Variants in IL20RB observed in about 807,000 individuals in gnomAD.
The protein encoded by IL20RB is interleukin-20 receptor subunit beta.
Under a neutral mutation model 33.3 loss-of-function variants are expected in IL20RB, and 21 were observed. The ratio of observed to expected loss-of-function variants is 0.63; its 90% CI spans 0.45 to 0.91. The LOEUF is 0.91. Ranked by LOEUF, IL20RB falls within the 40% of genes least tolerant of loss-of-function variation. The probability of loss-of-function intolerance (pLI) is 0.00; values close to 1 mark genes in which losing one functional copy is unlikely to be tolerated. For missense variants in IL20RB, 345 were observed against 384.8 expected, an observed-to-expected ratio of 0.90 and a Z score of 0.86; for synonymous variants, 147 against 146.8, an observed-to-expected ratio of 1.00 and a Z score of -0.01.
intron 1 of IL20RB, among the ~76,000 whole-genome samples, chr3:136,962,140 A>T (rs1941237697): frequency 6.6e-6 from 1 of 152,242 alleles, no homozygotes; most frequent in Admixed American, 6.5e-5. Context: ...AGCAATAATT[A>T]TTACAAGAAA....
At chr3:136,993,289 A>G (rs1023473997) in intron 5 of IL20RB, among the ~76,000 whole-genome samples, 3 of 152,194 alleles carry the variant, frequency 2.0e-5, no homozygotes, top group Non-Finnish European at 2.9e-5. Flanking sequence ...TTAATCTTCC[A>G]GGCGTTGTCT....
Position 136,977,146 on chromosome 3 carries a change from T to TCC in IL20RB, c.89-3320_89-3319insCC, listed in dbSNP as rs757717101. On this transcript the variant is annotated intron_variant, in intron 1 of 6. Transcript: ENST00000329582. ...CAAAGTGTGACTGTATATACATGAT[T>TCC]TCGGTTCTTCTAAGTGGAGGAGGTA... Among the ~76,000 whole-genome samples the TCC allele has an allele frequency of 2.8e-3, 433 of 152,358 alleles. 2 individuals are homozygous for TCC. Among genetic ancestry groups the TCC allele is most frequent in the Non-Finnish European group, 5.2e-3 (351 of 68,028 alleles).
chr3:137,005,460 G>T (rs966789941), intron 6 of IL20RB, among the ~76,000 whole-genome samples: 1 of 152,200 alleles, frequency 6.6e-6, no homozygotes, highest in Non-Finnish European at 1.5e-5. Context: ...TGTATTGGGT[G>T]CATACATATT....
intron 1 of IL20RB, among the ~76,000 whole-genome samples, chr3:136,971,560 T>C (rs1350872141): frequency 6.6e-6 from 1 of 152,258 alleles, no homozygotes; most frequent in Non-Finnish European, 1.5e-5. Flanking sequence ...TAAAATCGTT[T>C]AGCTCCCACA....
chr3:137,005,843 C>T (rs914338384), intron 6 of IL20RB, among the ~76,000 whole-genome samples: 1 of 152,184 alleles, frequency 6.6e-6, no homozygotes, highest in African/African-American at 2.4e-5. Context: ...TTAGTTGATG[C>T]AGTTTCTTCC....
intron 1 of IL20RB, among the ~76,000 whole-genome samples, chr3:136,973,167 G>A (rs1682357): frequency 0.47 from 70,700 of 151,770 alleles, 16,996 homozygotes; most frequent in East Asian, 0.7. Flanking sequence ...CTGAGAAGAT[G>A]CTTGATAGGA....
chr3:136,995,656 G>C (rs1942113239), intron 6 of IL20RB, 100 bp downstream of exon 6: 1 of 1,133,344 alleles, frequency 8.8e-7, no homozygotes, highest in Admixed American at 1.9e-5. Flanking sequence ...TCTATCATGA[G>C]ATTATAGGCA....
intron 1 of IL20RB, among the ~76,000 whole-genome samples, chr3:136,974,809 CT>C (rs751298516): frequency 1.3e-5 from 2 of 152,284 alleles, no homozygotes; most frequent in East Asian, 3.9e-4. Flanking sequence ...TTTGCTCATT[CT>C]TTTTAAAAAC....
At chr3:136,986,709 T>C (rs1412224836) in intron 3 of IL20RB, 3 of 456,846 alleles carry the variant, frequency 6.6e-6, no homozygotes, top group East Asian at 6.9e-5. Flanking sequence ...GCCTTTCTTC[T>C]GAGTGTCCAC....
At chr3:136,980,185 A>G in intron 1 of IL20RB, 1 of 438,810 alleles carries the variant, frequency 2.3e-6, no homozygotes, top group Non-Finnish European at 4.2e-6. Context: ...TAATATTGAT[A>G]TGTCATTTAT....
intron 1 of IL20RB, among the ~76,000 whole-genome samples, chr3:136,963,376 GA>G (rs1206092750): frequency 6.6e-6 from 1 of 152,044 alleles, no homozygotes; most frequent in East Asian, 1.9e-4. Flanking sequence ...AAACTATTTT[GA>G]AAAAGAGTAT....
intron 2 of IL20RB, 138 bp from the exon 3 acceptor site, chr3:136,982,012 GGGAGGAGAGT>G (rs1234972329): frequency 2.0e-6 from 1 of 487,954 alleles, no homozygotes; most frequent in East Asian, 3.3e-5. Context: ...ATGGTTGGTA[GGGAGGAGAGT>G]GGAGGAGCTA....
At chr3:136,978,542 A>T (rs1465158489) in intron 1 of IL20RB, among the ~76,000 whole-genome samples, 30 of 152,046 alleles carry the variant, frequency 2.0e-4, no homozygotes, top group Admixed American at 2.0e-3. Context: ...ATGATTTATG[A>T]TTTTATTCTT....
chr3:136,958,829 A>C (rs1445170747), intron 1 of IL20RB, among the ~76,000 whole-genome samples: 1 of 152,132 alleles, frequency 6.6e-6, no homozygotes. Flanking sequence ...TGTTCATGTC[A>C]AATCACGTTT....
chr3:136,983,862 A>G (rs183120), intron 3 of IL20RB, among the ~76,000 whole-genome samples: 88,956 of 152,024 alleles, frequency 0.59, 26,648 homozygotes, highest in East Asian at 0.9. Flanking sequence ...TTTGAGGTGG[A>G]GTCTTGCTCT....
chr3:136,967,249 C>G (rs1222433000), intron 1 of IL20RB, among the ~76,000 whole-genome samples: 1 of 151,290 alleles, frequency 6.6e-6, no homozygotes, highest in African/African-American at 2.4e-5. Flanking sequence ...CCTGGGTATC[C>G]TTGTTGACTT....
At chr3:137,002,817 T>C (rs562106272) in intron 6 of IL20RB, among the ~76,000 whole-genome samples, 123 of 152,346 alleles carry the variant, frequency 8.1e-4, no homozygotes, top group Admixed American at 9.8e-4. Context: ...CCATTGCTTT[T>C]GGTGTTTTAG....
chr3:136,962,118 C>T lies in IL20RB; in HGVS notation c.88+3917C>T, dbSNP rs7637971. On this transcript the variant is annotated intron_variant, in intron 1 of 6. Coordinates refer to ENST00000329582, the MANE Select transcript of IL20RB (RefSeq NM_144717.4). ...AATACAATTAAATAAAATATCACTA[C>T]TAGAACATCACAGCAATAATTATTA... Among the ~76,000 whole-genome samples the T allele has an allele frequency of 7.0e-3, 1,062 of 152,234 alleles. 10 individuals carry two copies. The highest frequency in any genetic ancestry group is 0.025 in the African/African-American group (1,031 of 41,514).
At chr3:136,980,084 G>A (rs1268490996) in intron 1 of IL20RB, among the ~76,000 whole-genome samples, 2 of 152,172 alleles carry the variant, frequency 1.3e-5, no homozygotes, top group African/African-American at 2.4e-5. Flanking sequence ...GTATGGTCAT[G>A]AGAATTCAAT....
Sources: allele counts gnomAD v4.1 joint callset (sites outside exome capture counted in the v4.1 genomes callset), GRCh38; gene constraint gnomAD v4.1.1; transcripts MANE v1.5; gene names NCBI Gene and HGNC (gene_info 2026-07-23, HGNC 2026-07-21).